Variants in SAMSN1 observed in about 807,000 individuals in gnomAD.
SAMSN1 encodes the protein SAM domain, SH3 domain and nuclear localization signals 1.
SAMSN1 carries 31 observed loss-of-function variants against 42.0 expected under a neutral mutation model. The observed-to-expected ratio is 0.74, with a 90% CI of 0.55 to 1.00. The LOEUF is 1.00. Among genes scored for constraint, SAMSN1 ranks in the 50% least tolerant of loss-of-function variants. The pLI is 0.00. For synonymous variants in SAMSN1, 178 were observed against 151.9 expected, an observed-to-expected ratio of 1.17 and a Z score of -1.26; for missense variants, 464 against 439.4, an observed-to-expected ratio of 1.06 and a Z score of -0.50.
intron 4 of SAMSN1, chr21:14,609,644 A>G: frequency 1.4e-6 from 1 of 709,528 alleles, no homozygotes; most frequent in Non-Finnish European, 2.6e-6. Flanking sequence ...TTTGAAATCA[A>G]AACAAGTTCA....
At chr21:14,591,234 A>G (rs1051342176) in intron 7 of SAMSN1, 1 of 152,196 alleles carries the variant, frequency 6.6e-6, no homozygotes, top group African/African-American at 2.4e-5. Flanking sequence ...TAAGTCATCA[A>G]ATAAATGAGT....
chr21:14,582,569 A>G (rs1429917672), intron 1 of SAMSN1: 1 of 582,510 alleles, frequency 1.7e-6, no homozygotes, highest in African/African-American at 1.9e-5. Flanking sequence ...ATATAAGAGA[A>G]ATAAATACAC....
chr21:14,579,712 G>A (rs1981641693), intron 2 of SAMSN1, among the ~76,000 whole-genome samples: 1 of 148,288 alleles, frequency 6.7e-6, no homozygotes, highest in Non-Finnish European at 1.5e-5. Context: ...GAAATCCTGG[G>A]ATCAAGTGAT....
chr21:14,601,351 G>GC (rs1238813969), intron 6 of SAMSN1, among the ~76,000 whole-genome samples: 2 of 152,014 alleles, frequency 1.3e-5, no homozygotes, highest in Non-Finnish European at 2.9e-5. Flanking sequence ...AGGAATGTGA[G>GC]CCCCCCCTTC....
At chr21:14,647,105 C>T (rs1983729101) in intron 1 of SAMSN1, among the ~76,000 whole-genome samples, 1 of 152,098 alleles carries the variant, frequency 6.6e-6, no homozygotes, top group African/African-American at 2.4e-5. Context: ...CTAAAATCTC[C>T]AATCAAAAGA....
intron 7 of SAMSN1, among the ~76,000 whole-genome samples, chr21:14,489,405 T>A (rs1248885808): frequency 6.6e-6 from 1 of 152,192 alleles, no homozygotes. Context: ...CATACGCATA[T>A]AACTTACAAA....
chr21:14,608,451 G>A (rs1219059710), intron 5 of SAMSN1, among the ~76,000 whole-genome samples: 1 of 152,192 alleles, frequency 6.6e-6, no homozygotes, highest in African/African-American at 2.4e-5. Context: ...CCCCTCCACA[G>A]TGGGCTGAAG....
In SAMSN1 at chr21:14,546,196, T is replaced by A. The variant is rs766939062; in HGVS notation, c.57+9A>T. 4 of 1,609,744 alleles carry A rather than the reference T, an allele frequency of 2.5e-6. No individual in the cohort carries two copies. The highest frequency in any genetic ancestry group is 3.4e-6 in the Non-Finnish European group (4 of 1,176,686). On this transcript the variant is annotated intron_variant, in intron 1 of 7. Coordinates refer to ENST00000400566, the MANE Select transcript of SAMSN1 (RefSeq NM_022136.5). ...TGATTTTATTTAACTATGTATGAAA[T>A]CACCTTACCTTTGGTTTTTGATGTT...
At chr21:14,582,081 C>T in intron 2 of SAMSN1, 3 of 1,421,256 alleles carry the variant, frequency 2.1e-6, no homozygotes, top group South Asian at 3.0e-5. Flanking sequence ...TGTTTCTTTC[C>T]CGACAGTACA....
At chr21:14,578,530 A>C (rs1391613519) in intron 2 of SAMSN1, among the ~76,000 whole-genome samples, 1 of 152,048 alleles carries the variant, frequency 6.6e-6, no homozygotes, top group South Asian at 2.1e-4. Context: ...TAAAAATACA[A>C]AAATAAGCCG....
chr21:14,625,755 C>T (rs1983150661), intron 2 of SAMSN1, among the ~76,000 whole-genome samples: 1 of 152,174 alleles, frequency 6.6e-6, no homozygotes, highest in African/African-American at 2.4e-5. Flanking sequence ...CAATGACTTT[C>T]TTCACAGAAT....
chr21:14,642,193 T>C (rs1430819207), intron 2 of SAMSN1, among the ~76,000 whole-genome samples: 2 of 152,174 alleles, frequency 1.3e-5, no homozygotes, highest in Non-Finnish European at 2.9e-5. Context: ...CTTGAACCCA[T>C]GTTGTTCAAG....
At chr21:14,609,528 G>T (rs934704236) in exon 5 of SAMSN1, 3 of 717,896 alleles carry the variant, frequency 4.2e-6, no homozygotes, top group African/African-American at 3.5e-5. Context: ...TCTTATGCTT[G>T]CTGTGTTCCT....
rs116193489 is a variant in SAMSN1, at chr21:14,528,896, C to T, written c.58-7675G>A. Among the ~76,000 whole-genome samples, 1,411 of 152,130 alleles carry T rather than the reference C, an allele frequency of 9.3e-3. 18 individuals carry two copies. Among genetic ancestry groups the T allele is most frequent in the Middle Eastern group, 0.031 (9 of 294 alleles). ...CAAACTCCATGCCATGCTATTTATCCGTAATTATTTCATTAGATAAACACA... is the reference window on the plus strand; with the variant it reads ...CAAACTCCATGCCATGCTATTTATCTGTAATTATTTCATTAGATAAACACA... On this transcript the variant is annotated intron_variant, in intron 1 of 7. Coordinates refer to ENST00000400566, the MANE Select transcript of SAMSN1 (RefSeq NM_022136.5).
intron 4 of SAMSN1, among the ~76,000 whole-genome samples, chr21:14,610,328 C>T (rs1181590445): frequency 6.6e-6 from 1 of 152,108 alleles, no homozygotes; most frequent in Admixed American, 6.5e-5. Flanking sequence ...ATGAAACATG[C>T]CCTAGTCTCC....
At chr21:14,595,085 C>G (rs544450657) in intron 6 of SAMSN1, among the ~76,000 whole-genome samples, 1 of 152,146 alleles carries the variant, frequency 6.6e-6, no homozygotes, top group East Asian at 1.9e-4. Context: ...AACTCACTTA[C>G]TGTCATGAGA....
chr21:14,530,118 C>T (rs1379446117), intron 1 of SAMSN1, among the ~76,000 whole-genome samples: 1 of 152,072 alleles, frequency 6.6e-6, no homozygotes, highest in Admixed American at 6.5e-5. Context: ...AGATCCAGAC[C>T]ACCCTGGCTA....
chr21:14,539,503 A>G (rs965906331), intron 1 of SAMSN1, among the ~76,000 whole-genome samples: 3 of 152,074 alleles, frequency 2.0e-5, no homozygotes, highest in African/African-American at 7.2e-5. Context: ...CCAATAACAG[A>G]CAAACAGAGA....
intron 2 of SAMSN1, among the ~76,000 whole-genome samples, chr21:14,579,001 A>G (rs1419646406): frequency 6.6e-6 from 1 of 152,208 alleles, no homozygotes; most frequent in Non-Finnish European, 1.5e-5. Context: ...AATAACCTAA[A>G]TAATAACCCT....
Sources: gnomAD v4.1 joint callset for allele counts (sites outside exome capture counted in the v4.1 genomes callset) on GRCh38, gnomAD v4.1.1 for gene constraint, MANE v1.5 for transcripts, NCBI Gene and HGNC (gene_info 2026-07-23, HGNC 2026-07-21) for gene names.